The following ZFHX3 variants were observed in gnomAD, a reference collection of about 807,000 sequenced individuals.
The protein encoded by ZFHX3 is zinc finger homeobox 3.
In ZFHX3, 42 loss-of-function variants were observed where a neutral mutation model predicts 279.1. The observed-to-expected ratio is 0.15, with a 90% CI of 0.12 to 0.19. The LOEUF is 0.19. ZFHX3 is among the 10% of genes least tolerant of loss of function. The pLI is 1.00. For synonymous variants in ZFHX3, 2,293 were observed against 1,957.8 expected, an observed-to-expected ratio of 1.17 and a Z score of -4.52; for missense variants, 4,981 against 4,754.0, an observed-to-expected ratio of 1.05 and a Z score of -1.40.
intron 1 of ZFHX3, among the ~76,000 whole-genome samples, chr16:73,695,316 AC>A (rs2053188026): frequency 6.7e-6 from 1 of 148,962 alleles, no homozygotes; most frequent in Non-Finnish European, 1.5e-5. Context: ...GCTCACTGCA[AC>A]CTCCACCTCC....
intron 2 of ZFHX3, among the ~76,000 whole-genome samples, chr16:73,534,170 C>A (rs2019854442): frequency 6.6e-6 from 1 of 152,156 alleles, no homozygotes; most frequent in African/African-American, 2.4e-5. Context: ...TCCCCTTGCC[C>A]ATTCAGCTCC....
At chr16:73,664,062 T>A (rs764908384) in intron 2 of ZFHX3, among the ~76,000 whole-genome samples, 37 of 152,090 alleles carry the variant, frequency 2.4e-4, no homozygotes, top group Non-Finnish European at 4.7e-4. Flanking sequence ...TATAAAATAA[T>A]TTTACTCTGG....
chr16:73,277,992 T>C (rs2014347158), intron 4 of ZFHX3, among the ~76,000 whole-genome samples: 1 of 152,114 alleles, frequency 6.6e-6, no homozygotes, highest in Non-Finnish European at 1.5e-5. Context: ...AAGGGGAATA[T>C]CTGCCCTCAT....
At chr16:73,529,305 T>C (rs2019751167) in intron 2 of ZFHX3, among the ~76,000 whole-genome samples, 1 of 152,176 alleles carries the variant, frequency 6.6e-6, no homozygotes. Flanking sequence ...GCTCTTAAAA[T>C]GCCTCTATAA....
At position 73,539,440 on chromosome 16, in the gene ZFHX3, T is replaced by C. The variant is rs1237587509; in HGVS notation, c.-1546-83182A>G. 1.4e-3 allele frequency among the ~76,000 whole-genome samples: 160 copies of C among 116,030 alleles called. 2 individuals carry two copies. The highest frequency in any genetic ancestry group is 6.8e-3 in the African/African-American group (153 of 22,338). 76.1% of individuals were successfully genotyped at this position (116,030 alleles called of 152,430 possible). On this transcript the variant is annotated intron_variant, in intron 2 of 17. Transcript: ENST00000641206. ...TTTTCCCTTCCTCTTCTTCTTTTTTTTTTTTTTTTTTTTTTTTTTTTTATA... is the reference window on the plus strand; with the variant it reads ...TTTTCCCTTCCTCTTCTTCTTTTTTCTTTTTTTTTTTTTTTTTTTTTTATA...
chr16:73,236,361 G>T (rs1597235018), intron 5 of ZFHX3, among the ~76,000 whole-genome samples: 1 of 152,312 alleles, frequency 6.6e-6, no homozygotes, highest in Admixed American at 6.5e-5. Flanking sequence ...CCTTTGCAAG[G>T]CCGAGGCAGG....
intron 1 of ZFHX3, among the ~76,000 whole-genome samples, chr16:73,860,615 G>C (rs952042356): frequency 1.3e-5 from 2 of 152,194 alleles, no homozygotes; most frequent in African/African-American, 2.4e-5. Context: ...TTTATAGAAA[G>C]ATCTCACTTA....
At chr16:73,802,033 TGAAG>T (rs1960160604) in intron 1 of ZFHX3, among the ~76,000 whole-genome samples, 1 of 152,208 alleles carries the variant, frequency 6.6e-6, no homozygotes, top group Non-Finnish European at 1.5e-5. Flanking sequence ...TCCTTGTTTA[TGAAG>T]GACAGTGTGT....
intron 5 of ZFHX3, among the ~76,000 whole-genome samples, chr16:73,233,262 C>A (rs575333231): frequency 6.6e-6 from 1 of 152,070 alleles, no homozygotes; most frequent in African/African-American, 2.4e-5. Flanking sequence ...TTAGGGACCA[C>A]CAGAGTCCAG....
At chr16:73,314,405 C>T (rs140175750) in intron 4 of ZFHX3, among the ~76,000 whole-genome samples, 75 of 152,224 alleles carry the variant, frequency 4.9e-4, no homozygotes, top group Middle Eastern at 6.8e-3. Flanking sequence ...TCTGCAGAAC[C>T]CTAAAATAGG....
At chr16:73,135,843 A>T (rs1161022900) in intron 6 of ZFHX3, among the ~76,000 whole-genome samples, 2 of 149,462 alleles carry the variant, frequency 1.3e-5, no homozygotes, top group African/African-American at 4.9e-5. Context: ...TACTAGGCTC[A>T]CTTCACTTAT....
At chr16:73,336,158 C>A (rs1241098045) in intron 3 of ZFHX3, among the ~76,000 whole-genome samples, 1 of 152,184 alleles carries the variant, frequency 6.6e-6, no homozygotes, top group African/African-American at 2.4e-5. Context: ...AGGGAGGGAA[C>A]TAACCCTATT....
At chr16:72,932,982 C>T (rs1959904002) in intron 3 of ZFHX3, among the ~76,000 whole-genome samples, 1 of 152,216 alleles carries the variant, frequency 6.6e-6, no homozygotes, top group Admixed American at 6.5e-5. Flanking sequence ...GGCAGCCTGA[C>T]ACCAGGCATC....
At chr16:72,899,088 T>C (rs2038970007) in intron 3 of ZFHX3, among the ~76,000 whole-genome samples, 1 of 152,216 alleles carries the variant, frequency 6.6e-6, no homozygotes, top group Non-Finnish European at 1.5e-5. Context: ...GAACAGCAAC[T>C]TTCTTCATTT....
chr16:73,301,731 A>C (rs1183116065), intron 4 of ZFHX3, among the ~76,000 whole-genome samples: 3 of 150,784 alleles, frequency 2.0e-5, no homozygotes, highest in Non-Finnish European at 4.4e-5. Flanking sequence ...CCTCATGATT[A>C]TATTTGGAAA....
chr16:73,802,821 TTTTG>T (rs985654427), intron 1 of ZFHX3, among the ~76,000 whole-genome samples: 4 of 152,174 alleles, frequency 2.6e-5, no homozygotes, highest in African/African-American at 9.7e-5. Context: ...TATGATTTCT[TTTTG>T]TTTTTGTTTT....
At chr16:73,221,236 T>C (rs2012408821) in intron 5 of ZFHX3, among the ~76,000 whole-genome samples, 1 of 152,182 alleles carries the variant, frequency 6.6e-6, no homozygotes, top group South Asian at 2.1e-4. Flanking sequence ...ACAAATGGTA[T>C]GTGTGCCCAT....
intron 3 of ZFHX3, among the ~76,000 whole-genome samples, chr16:73,390,619 T>A (rs752807087): frequency 3.3e-4 from 50 of 152,238 alleles, no homozygotes; most frequent in South Asian, 2.1e-3. Context: ...ATGCCTTAAG[T>A]ATGTGTTGTT....
intron 1 of ZFHX3, among the ~76,000 whole-genome samples, chr16:73,766,971 TG>T (rs2053954353): frequency 6.6e-6 from 1 of 151,256 alleles, no homozygotes. Flanking sequence ...AGTCTTACTC[TG>T]TTGCCCAGGC....
Sources: gnomAD v4.1 joint callset for allele counts (sites outside exome capture counted in the v4.1 genomes callset) on GRCh38, gnomAD v4.1.1 for gene constraint, MANE v1.5 for transcripts, NCBI Gene and HGNC (gene_info 2026-07-23, HGNC 2026-07-21) for gene names.